GLI3: variants seen among roughly 807,000 people sequenced by gnomAD.
GLI3 encodes the protein GLI family zinc finger 3.
Under a neutral mutation model 100.8 loss-of-function variants are expected in GLI3, and 20 were observed. That is an observed-to-expected ratio of 0.20 (90% CI 0.14 to 0.29). The LOEUF is 0.29. Ranked by LOEUF, GLI3 falls within the 10% of genes least tolerant of loss-of-function variation. The pLI, the probability that GLI3 is intolerant of heterozygous loss-of-function variation, is 1.00. For synonymous variants in GLI3, 938 were observed against 860.5 expected, an observed-to-expected ratio of 1.09 and a Z score of -1.58; for missense variants, 2,040 against 2,128.5, an observed-to-expected ratio of 0.96 and a Z score of 0.82.
At chr7:42,107,894 C>T (rs546783305) in intron 3 of GLI3, among the ~76,000 whole-genome samples, 2 of 152,258 alleles carry the variant, frequency 1.3e-5, no homozygotes, top group South Asian at 2.1e-4. Flanking sequence ...TTGCCGGTGG[C>T]GTGCTGGATT....
Position 42,182,644 on chromosome 7 carries a change from GTATATA to G in GLI3, c.125-34182_125-34177del, listed in dbSNP as rs764864618. 5.7e-3 allele frequency among the ~76,000 whole-genome samples: 292 copies of G among 51,672 alleles called. 8 individuals carry two copies. The highest frequency in any genetic ancestry group is 0.041 in the East Asian group (94 of 2,282). 33.9% of individuals were successfully genotyped at this position (51,672 alleles called of 152,430 possible). On this transcript the variant is annotated intron_variant, in intron 2 of 14. Coordinates refer to ENST00000395925, the MANE Select transcript of GLI3 (RefSeq NM_000168.6). ...TTTATATGCATATGTATATGTGTGT[GTATATA>G]TATATATATATATATATATATATAT... is the stretch of plus-strand genomic sequence containing the variant.
chr7:42,247,971 G>T (rs574409610), intron 1 of GLI3, among the ~76,000 whole-genome samples: 2 of 152,316 alleles, frequency 1.3e-5, no homozygotes, highest in African/African-American at 4.8e-5. Context: ...AATAGACAAG[G>T]ATCTCTGATA....
At chr7:42,074,467 C>T (rs1325204436) in intron 4 of GLI3, among the ~76,000 whole-genome samples, 1 of 152,184 alleles carries the variant, frequency 6.6e-6, no homozygotes, top group African/African-American at 2.4e-5. Flanking sequence ...AATAAATCAC[C>T]AAGCAAGAGG....
In GLI3 at chr7:41,961,607, T is replaced by G. The variant is rs1480071723; in HGVS notation, c.*2723A>C. 2 of 152,128 alleles carry G rather than the reference T, an allele frequency of 1.3e-5. No individual in the cohort carries two copies. The highest frequency in any genetic ancestry group is 2.9e-5 in the Non-Finnish European group (2 of 67,970). 9.4% of individuals were successfully genotyped at this position (152,128 alleles called of 1,614,324 possible). A position where few individuals can be genotyped will look rare whatever the true frequency, so the allele number is the denominator to read the frequency against. On this transcript the variant is annotated 3_prime_UTR_variant, in exon 15 of 15. Coordinates refer to ENST00000395925, the MANE Select transcript of GLI3 (RefSeq NM_000168.6). Reference sequence around the variant, plus strand: ...AGACATTAAGCAGGAGTAGAATGTGTGAGCCTGCATGTTTTAGAAAAGGCA... The same window carrying G: ...AGACATTAAGCAGGAGTAGAATGTGGGAGCCTGCATGTTTTAGAAAAGGCA...
rs564000094 is a variant in GLI3 at position 41,972,457 on chromosome 7, C to T, written c.1983G>A (p.Gln661=). ...PPPRDSGSHS[Q]SRSPGRPTQG... ...GAGTCGGTCGGCCAGGCGACCTGGA[C>T]TGTGAATGGCTGCCGGAATCTCTCG... is the stretch of plus-strand genomic sequence containing the variant. The change falls in exon 13 of 15, where the codon CAG becomes CAA. Residue 661 remains glutamine (Q), a synonymous_variant. Transcript: ENST00000395925. The surrounding 1 kb of genome is among the most constrained non-coding windows in gnomAD (Gnocchi z 4.4). 19 of 1,613,750 alleles carry T rather than the reference C, an allele frequency of 1.2e-5. No homozygotes were observed. The South Asian group carries it at 1.9e-4, about 16-fold the overall frequency.
intron 3 of GLI3, among the ~76,000 whole-genome samples, chr7:42,082,904 T>C (rs1378469618): frequency 6.6e-6 from 1 of 152,204 alleles, no homozygotes. Context: ...TTTTAATTTT[T>C]TAATTTTTTA....
intron 3 of GLI3, among the ~76,000 whole-genome samples, chr7:42,078,924 T>C (rs1204842224): frequency 6.6e-6 from 1 of 152,014 alleles, no homozygotes; most frequent in South Asian, 2.1e-4. Context: ...AGACACAGGC[T>C]TTCACCGTGT....
At chr7:42,152,856 A>T (rs1229324091) in intron 2 of GLI3, among the ~76,000 whole-genome samples, 2 of 152,180 alleles carry the variant, frequency 1.3e-5, no homozygotes, top group Non-Finnish European at 2.9e-5. Context: ...AGGAATGCAT[A>T]TTGTAAAATA....
chr7:42,015,712 A>G (rs1480404660), intron 10 of GLI3, among the ~76,000 whole-genome samples: 1 of 151,890 alleles, frequency 6.6e-6, no homozygotes, highest in Admixed American at 6.6e-5. Context: ...GTGGTTTTTA[A>G]ATTAAGCTCT....
chr7:42,209,820 C>CTT lies in GLI3; in HGVS notation c.124+13308_124+13309dup, dbSNP rs553838767. 9.6e-3 allele frequency among the ~76,000 whole-genome samples: 1,323 copies of CTT among 138,358 alleles called. 11 individuals carry two copies. Among genetic ancestry groups the CTT allele is most frequent in the East Asian group, 0.037 (174 of 4,722 alleles). 90.8% of individuals were successfully genotyped at this position (138,358 alleles called of 152,430 possible). ...TCCTAATCACTGAGAGGTTCTCTCT[C>CTT]TTTTTTTTTTTTTTTGAGACAGTCT... On this transcript the variant is annotated intron_variant, in intron 2 of 14. Coordinates refer to ENST00000395925, the MANE Select transcript of GLI3 (RefSeq NM_000168.6).
intron 2 of GLI3, among the ~76,000 whole-genome samples, chr7:42,182,662 A>ATATATATATATACATGTGTG (rs1554337068): frequency 4.8e-4 from 37 of 76,690 alleles, no homozygotes; most frequent in African/African-American, 2.0e-3. Context: ...ATATATATAT[A>ATATATATATATACATGTGTG]TATATATATA....
At chr7:42,110,356 T>C (rs2330412) in intron 3 of GLI3, among the ~76,000 whole-genome samples, 90,872 of 152,110 alleles carry the variant, frequency 0.6, 28,293 homozygotes, top group East Asian at 0.72. Flanking sequence ...TTTTCATTCA[T>C]TCATTCATTC....
At chr7:42,019,071 G>A (rs147506513) in intron 10 of GLI3, among the ~76,000 whole-genome samples, 1,813 of 152,252 alleles carry the variant, frequency 0.012, 14 homozygotes, top group Non-Finnish European at 0.018. Context: ...ACAGAAATAC[G>A]GGGTTGGATT....
intron 3 of GLI3, among the ~76,000 whole-genome samples, chr7:42,089,036 C>T (rs1785162630): frequency 6.6e-6 from 1 of 152,224 alleles, no homozygotes; most frequent in African/African-American, 2.4e-5. Flanking sequence ...GGCTTCTAGA[C>T]CAGTCTTCAT....
At chr7:42,254,553 A>G (rs1381446864) in intron 1 of GLI3, among the ~76,000 whole-genome samples, 1 of 152,240 alleles carries the variant, frequency 6.6e-6, no homozygotes, top group East Asian at 1.9e-4. Flanking sequence ...AGAACATTAT[A>G]TGGCCTACAT....
chr7:41,968,240 C>A (rs1483137608), intron 13 of GLI3, among the ~76,000 whole-genome samples: 2 of 152,168 alleles, frequency 1.3e-5, no homozygotes, highest in Non-Finnish European at 2.9e-5. Context: ...CCATCTCCAC[C>A]ACTTTATTCT....
At chr7:42,039,234 A>T (rs955531465) in intron 7 of GLI3, among the ~76,000 whole-genome samples, 4 of 152,184 alleles carry the variant, frequency 2.6e-5, no homozygotes, top group African/African-American at 9.6e-5. Context: ...CCTAAAATTC[A>T]TATGTTGGCT....
chr7:42,203,364 C>A (rs1583644850), intron 2 of GLI3, among the ~76,000 whole-genome samples: 1 of 152,102 alleles, frequency 6.6e-6, no homozygotes, highest in Non-Finnish European at 1.5e-5. Context: ...AATTTTGTAT[C>A]CTTTGACCAA....
chr7:42,026,513 A>G, intron 7 of GLI3, 101 bp from the exon 8 acceptor site: 1 of 924,902 alleles, frequency 1.1e-6, no homozygotes, highest in African/African-American at 1.6e-5. Context: ...ACCATCCCAA[A>G]TCAAATTTGT....
Sources: gnomAD v4.1 joint callset for allele counts (sites outside exome capture counted in the v4.1 genomes callset) on GRCh38, gnomAD v4.1.1 for gene constraint, Gnocchi (gnomAD v3.1) non-coding constraint, MANE v1.5 for transcripts, NCBI Gene and HGNC (gene_info 2026-07-23, HGNC 2026-07-21) for gene names.